The following FUT9 variants were observed in gnomAD, a reference collection of about 807,000 sequenced individuals.
FUT9 encodes the protein 4-galactosyl-N-acetylglucosaminide 3-alpha-L-fucosyltransferase 9.
A neutral mutation model predicts 29.7 loss-of-function variants in FUT9; 15 were observed. That is an observed-to-expected ratio of 0.51 (90% confidence interval 0.34 to 0.78). FUT9 has a LOEUF of 0.78. Among genes scored for constraint, FUT9 ranks in the 30% least tolerant of loss-of-function variants. The pLI, the probability that FUT9 is intolerant of heterozygous loss-of-function variation, is 0.01. For missense variants in FUT9, 319 were observed against 425.4 expected (o/e 0.75, Z 2.20); for synonymous variants, 169 against 153.7 (o/e 1.10, Z -0.74).
chr6:96,134,463 T>C (rs943909618), intron 2 of FUT9, among the ~76,000 whole-genome samples: 1 of 151,858 alleles, frequency 6.6e-6, no homozygotes, highest in African/African-American at 2.4e-5. Flanking sequence ...ATATCTGATA[T>C]TTAGAAATTG....
At chr6:96,097,624 A>C (rs1209947074) in intron 1 of FUT9, among the ~76,000 whole-genome samples, 1 of 152,126 alleles carries the variant, frequency 6.6e-6, no homozygotes, top group Non-Finnish European at 1.5e-5. Context: ...TGAACATTAC[A>C]AAAACAAACA....
chr6:96,191,527 C>A (rs1208899262), intron 2 of FUT9, among the ~76,000 whole-genome samples: 1 of 152,060 alleles, frequency 6.6e-6, no homozygotes, highest in Non-Finnish European at 1.5e-5. Context: ...CAAGAGTAAA[C>A]CAGGAAGAAG....
intron 2 of FUT9, among the ~76,000 whole-genome samples, chr6:96,140,199 C>T (rs1036801051): frequency 2.0e-5 from 3 of 152,206 alleles, no homozygotes; most frequent in East Asian, 1.9e-4. Context: ...CAGTTCCCAA[C>T]GAGTTCCTCA....
rs150573603 is a variant in FUT9, at chr6:96,116,907, G to C, written c.-9+2780G>C. On this transcript the variant is annotated intron_variant, in intron 2 of 2. Transcript: ENST00000302103. ...ATTACTGTGCTCATCAAAACCCATA[G>C]AACTGTACAACACAATGAGTAAATT... Among the ~76,000 whole-genome samples the C allele has an allele frequency of 8.9e-3, 1,359 of 152,022 alleles. 9 individuals are homozygous for C. Among genetic ancestry groups the C allele is most frequent in the Non-Finnish European group, 0.013 (899 of 67,970 alleles).
At chr6:96,087,661 G>A (rs574069310) in intron 1 of FUT9, among the ~76,000 whole-genome samples, 18 of 152,084 alleles carry the variant, frequency 1.2e-4, no homozygotes, top group South Asian at 6.2e-4. Context: ...CACCACGTCC[G>A]GCCTTCCCCA....
intron 1 of FUT9, among the ~76,000 whole-genome samples, chr6:96,043,544 C>T (rs1770506773): frequency 1.3e-5 from 2 of 152,262 alleles, no homozygotes; most frequent in South Asian, 4.1e-4. Flanking sequence ...ATAAAATCCC[C>T]AAATCTGAGA....
At chr6:96,130,879 A>C (rs1772230341) in intron 2 of FUT9, among the ~76,000 whole-genome samples, 1 of 152,160 alleles carries the variant, frequency 6.6e-6, no homozygotes, top group South Asian at 2.1e-4. Flanking sequence ...GCTACTCTGC[A>C]GCTATTTCTG....
intron 1 of FUT9, among the ~76,000 whole-genome samples, chr6:96,110,912 C>T (rs1771794239): frequency 6.6e-6 from 1 of 151,958 alleles, no homozygotes; most frequent in African/African-American, 2.4e-5. Flanking sequence ...GTCCTCCTGC[C>T]TGGGCCTCCC....
chr6:96,084,549 T>TCA (rs1285785367), intron 1 of FUT9, among the ~76,000 whole-genome samples: 1 of 152,086 alleles, frequency 6.6e-6, no homozygotes, highest in Non-Finnish European at 1.5e-5. Context: ...GTTAATTTTC[T>TCA]CACACACACG....
In FUT9 at chr6:96,211,963, A is replaced by T; in HGVS notation, c.*7728A>T. On this transcript the variant is annotated 3_prime_UTR_variant, in exon 3 of 3. Coordinates refer to ENST00000302103, the MANE Select transcript of FUT9 (RefSeq NM_006581.4). ...TTAAGTTATAGCTTGCTGGAATTTT[A>T]TTGTGGAAAACAAATATAGATTTTA... is the stretch of plus-strand genomic sequence containing the variant. 2.4e-6 allele frequency: 1 copy of T among 409,622 alleles called. No individual in the cohort carries two copies. Among genetic ancestry groups the T allele is most frequent in the Non-Finnish European group, 4.5e-6 (1 of 223,938 alleles). 25.4% of individuals were successfully genotyped at this position (409,622 alleles called of 1,614,324 possible). A position where few individuals can be genotyped will look rare whatever the true frequency, so the allele number is the denominator to read the frequency against.
At chr6:96,172,120 C>T (rs1424557557) in intron 2 of FUT9, among the ~76,000 whole-genome samples, 4 of 152,088 alleles carry the variant, frequency 2.6e-5, no homozygotes, top group African/African-American at 9.7e-5. Flanking sequence ...TTTGTATCCT[C>T]ACATGGTGGA....
At chr6:96,170,617 A>G (rs1443159535) in intron 2 of FUT9, among the ~76,000 whole-genome samples, 1 of 152,084 alleles carries the variant, frequency 6.6e-6, no homozygotes, top group Non-Finnish European at 1.5e-5. Context: ...ACTGTCACTT[A>G]GAATCATTGC....
intron 2 of FUT9, among the ~76,000 whole-genome samples, chr6:96,115,183 T>C (rs531581395): frequency 1.3e-5 from 2 of 152,332 alleles, no homozygotes; most frequent in South Asian, 2.1e-4. Flanking sequence ...GAACTGCATA[T>C]GTTATTTAAA....
At chr6:96,127,720 C>A (rs966487214) in intron 2 of FUT9, among the ~76,000 whole-genome samples, 5 of 152,012 alleles carry the variant, frequency 3.3e-5, no homozygotes, top group African/African-American at 1.2e-4. Flanking sequence ...TTAATAGTAG[C>A]CATTCTGATT....
rs566269477 is a variant in FUT9, at chr6:96,206,017, A to C, written c.*1782A>C. 1 of 167,156 alleles carries C rather than the reference A, an allele frequency of 6.0e-6. No homozygotes were observed. The highest frequency in any genetic ancestry group is 1.9e-4 in the East Asian group (1 of 5,178). The allele number at this position is 167,156 out of a possible 1,614,324, so 10.4% of individuals were successfully genotyped here. The stretch of plus-strand genomic sequence containing the variant: ...CCCACAGAGATAAGATGAACAAGGT[A>C]CTATCACTGCCTAAAATGAGCTTAC... On this transcript the variant is annotated 3_prime_UTR_variant, in exon 3 of 3. Coordinates refer to ENST00000302103, the MANE Select transcript of FUT9 (RefSeq NM_006581.4).
At chr6:96,175,936 A>G (rs1224356204) in intron 2 of FUT9, among the ~76,000 whole-genome samples, 4 of 152,220 alleles carry the variant, frequency 2.6e-5, no homozygotes, top group Non-Finnish European at 4.4e-5. Context: ...GCTCTCACCA[A>G]CGTGACTGGG....
intron 2 of FUT9, among the ~76,000 whole-genome samples, chr6:96,160,990 C>A (rs4599653): frequency 0.16 from 24,702 of 152,056 alleles, 2,327 homozygotes; most frequent in East Asian, 0.34. Flanking sequence ...GGATAACATC[C>A]ATCTACTTCT....
chr6:96,148,298 GA>G (rs1772610737), intron 2 of FUT9, among the ~76,000 whole-genome samples: 1 of 152,178 alleles, frequency 6.6e-6, no homozygotes, highest in Non-Finnish European at 1.5e-5. Flanking sequence ...GGTCTAGAAA[GA>G]TTGCCAAAGT....
chr6:96,087,980 C>T (rs951085190), intron 1 of FUT9, among the ~76,000 whole-genome samples: 1 of 152,188 alleles, frequency 6.6e-6, no homozygotes, highest in Non-Finnish European at 1.5e-5. Context: ...GACATTTTCA[C>T]TGGCTATGCA....
Sources: allele counts gnomAD v4.1 joint callset (sites outside exome capture counted in the v4.1 genomes callset), GRCh38; gene constraint gnomAD v4.1.1; transcripts MANE v1.5; gene names NCBI Gene and HGNC (gene_info 2026-07-23, HGNC 2026-07-21).